Variants in FAM210B observed in about 807,000 individuals in gnomAD.
FAM210B encodes the protein mitochondrial inner membrane scaffold 2.
In FAM210B, 11 loss-of-function variants were observed where a neutral mutation model predicts 14.9. The observed-to-expected ratio is 0.74, with a 90% CI of 0.46 to 1.22. FAM210B has a LOEUF of 1.22. Among genes scored for constraint, FAM210B ranks in the 50% most tolerant of loss-of-function variants. The pLI is 0.00. For missense variants in FAM210B, 229 were observed against 250.1 expected (o/e 0.92, Z 0.57); for synonymous variants, 113 against 110.2 (o/e 1.03, Z -0.16).
At position 56,359,011 on chromosome 20, in the gene FAM210B, C is replaced by CGGGTTGCTG; in HGVS notation, c.8_16dup (p.Gly3_Leu5dup). ...GCTGCGCCTAGCTGCGCACCATGGC[C>CGGGTTGCTG]GGGTTGCTGGCGTTGCTGGGTCCGG... On this transcript the variant is annotated inframe_insertion, in exon 1 of 3. Transcript: ENST00000371384. The surrounding 1 kb of genome is among the most constrained non-coding windows in gnomAD (Gnocchi z 4.3). 1 of 1,318,358 alleles carries CGGGTTGCTG rather than the reference C, an allele frequency of 7.6e-7. No individual in the cohort carries two copies. Among genetic ancestry groups the CGGGTTGCTG allele is most frequent in the Non-Finnish European group, 9.7e-7 (1 of 1,028,626 alleles). 81.7% of individuals were successfully genotyped at this position (1,318,358 alleles called of 1,614,324 possible).
At chr20:56,365,283 T>A (rs555299952) in intron 2 of FAM210B, 21 bp downstream of exon 2, 1 of 1,601,476 alleles carries the variant, frequency 6.2e-7, no homozygotes, top group South Asian at 1.1e-5. Flanking sequence ...TGACAGTAAT[T>A]AATATTTGTT....
chr20:56,365,484 C>T (rs548117792), intron 2 of FAM210B, among the ~76,000 whole-genome samples: 1 of 151,336 alleles, frequency 6.6e-6, no homozygotes, highest in South Asian at 2.1e-4. Flanking sequence ...TACAGGCATG[C>T]ACCACTGCAC....
rs889707700 is a variant in FAM210B at position 56,365,165 on chromosome 20, C to T, written c.265C>T (p.Leu89=). The T allele has an allele frequency of 6.2e-7, 1 of 1,614,056 alleles. No individual in the cohort carries two copies. Among genetic ancestry groups the T allele is most frequent in the African/African-American group, 1.3e-5 (1 of 74,930 alleles). ...EEKKQSKSQQ[L]KKIFQEYGTV... Reference sequence around the variant, plus strand: ...GAAAAAGCAAAGCAAGTCACAGCAACTGAAAAAGATTTTTCAAGAGTATGG... The same window carrying T: ...GAAAAAGCAAAGCAAGTCACAGCAATTGAAAAAGATTTTTCAAGAGTATGG... The change falls in exon 2 of 3, where the codon CTG becomes TTG. Residue 89 remains leucine, a synonymous_variant. Transcript: ENST00000371384.
At chr20:56,361,013 G>C (rs111734239) in intron 1 of FAM210B, among the ~76,000 whole-genome samples, 1 of 152,214 alleles carries the variant, frequency 6.6e-6, no homozygotes, top group African/African-American at 2.4e-5. Context: ...ACGCTGCCTT[G>C]GCAGGGGGTC....
chr20:56,363,858 C>T lies in FAM210B; in HGVS notation c.187-1229C>T, dbSNP rs776903536. Among the ~76,000 whole-genome samples the T allele has an allele frequency of 2.0e-5, 3 of 152,122 alleles. No individual in the cohort carries two copies. The highest frequency in any genetic ancestry group is 4.4e-5 in the Non-Finnish European group (3 of 68,038). ...TTTGCTGCATTAATTTTGTGCGCAC[C>T]GTCCTTTTTTGATGGCATATAACAT... On this transcript the variant is annotated intron_variant, in intron 1 of 2. Transcript: ENST00000371384. The surrounding 1 kb of genome is among the most constrained non-coding windows in gnomAD (Gnocchi z 4.1).
In FAM210B at chr20:56,365,263, G is replaced by A; in HGVS notation, c.362+1G>A. On this transcript the variant is annotated splice_donor_variant, in intron 2 of 2. Coordinates refer to ENST00000371384, the MANE Select transcript of FAM210B (RefSeq NM_080821.3). LOFTEE classifies it high-confidence loss of function. ...GCATATTTTACATGGTTGTGTCAAG[G>A]TAAGATTTTTGACAGTAATTAATAT... The A allele has an allele frequency of 6.2e-7, 1 of 1,610,372 alleles. No homozygotes were observed. Among genetic ancestry groups the A allele is most frequent in the Non-Finnish European group, 8.5e-7 (1 of 1,178,032 alleles).
intron 2 of FAM210B, among the ~76,000 whole-genome samples, chr20:56,365,536 T>C (rs561631770): frequency 6.6e-6 from 1 of 152,070 alleles, no homozygotes; most frequent in East Asian, 1.9e-4. Context: ...GGACGGACTC[T>C]CGCTCTGTTG....
At chr20:56,361,597 C>T (rs931393488) in intron 1 of FAM210B, among the ~76,000 whole-genome samples, 8 of 152,170 alleles carry the variant, frequency 5.3e-5, no homozygotes, top group Non-Finnish European at 1.2e-4. Context: ...CCTCTCTGGG[C>T]TTCTCAGATC....
chr20:56,363,197 A>C lies in FAM210B; in HGVS notation c.187-1890A>C, dbSNP rs1354122580. 6.6e-6 allele frequency among the ~76,000 whole-genome samples: 1 copy of C among 152,186 alleles called. No homozygotes were observed. The highest frequency in any genetic ancestry group is 1.5e-5 in the Non-Finnish European group (1 of 68,038). On this transcript the variant is annotated intron_variant, in intron 1 of 2. Transcript: ENST00000371384. The surrounding 1 kb of genome is among the most constrained non-coding windows in gnomAD (Gnocchi z 4.1). ...TTAAGAATGGTCATTCTGGCAGGAC[A>C]GGAAAGGGGAGCCTGCTGAGTACCA...
chr20:56,358,982 G>A lies in FAM210B; in HGVS notation c.-24G>A. ...CGCCCGCCTCCCGGGTCAGCGGCGC[G>A]GGTGCTGCGCCTAGCTGCGCACCAT... is the stretch of plus-strand genomic sequence containing the variant. On this transcript the variant is annotated 5_prime_UTR_variant, in exon 1 of 3. Coordinates refer to ENST00000371384, the MANE Select transcript of FAM210B (RefSeq NM_080821.3). 1.7e-6 allele frequency: 2 copies of A among 1,201,662 alleles called. No individual in the cohort carries two copies. The highest frequency in any genetic ancestry group is 3.2e-5 in the South Asian group (1 of 30,990). The allele number at this position is 1,201,662 out of a possible 1,614,324, so 74.4% of individuals were successfully genotyped here.
rs1192675763 is a variant in FAM210B, at chr20:56,362,493, C to T, written c.187-2594C>T. Among the ~76,000 whole-genome samples the T allele has an allele frequency of 5.3e-5, 8 of 152,210 alleles. No homozygotes were observed. The highest frequency in any genetic ancestry group is 1.9e-4 in the African/African-American group (8 of 41,454). ...TGAATGTCTAAAAATTTTCCATTGC[C>T]TGCAAGTCACGCCCTCATAAATTCT... On this transcript the variant is annotated intron_variant, in intron 1 of 2. Coordinates refer to ENST00000371384, the MANE Select transcript of FAM210B (RefSeq NM_080821.3). The surrounding 1 kb of genome is among the most constrained non-coding windows in gnomAD (Gnocchi z 4.8).
intron 2 of FAM210B, among the ~76,000 whole-genome samples, 188 bp downstream of exon 2, chr20:56,365,450 C>T (rs1265036009): frequency 6.6e-6 from 1 of 151,984 alleles, no homozygotes; most frequent in Non-Finnish European, 1.5e-5. Flanking sequence ...ATCCTCCCAC[C>T]TCAGCCTCCC....
In FAM210B at chr20:56,360,962, A is replaced by C. The variant is rs571747420; in HGVS notation, c.186+1771A>C. Reference sequence around the variant, plus strand: ...GTGTGCTGCCCAGCTGGGCTCTCCAAATTTGCCAGGTGTTTAATTAAGAGC... The same window carrying C: ...GTGTGCTGCCCAGCTGGGCTCTCCACATTTGCCAGGTGTTTAATTAAGAGC... On this transcript the variant is annotated intron_variant, in intron 1 of 2. Transcript: ENST00000371384. Among the ~76,000 whole-genome samples the C allele has an allele frequency of 2.9e-3, 449 of 152,240 alleles. 2 individuals are homozygous for C. Among genetic ancestry groups the C allele is most frequent in the African/African-American group, 0.01 (429 of 41,540 alleles).
chr20:56,359,686 C>T lies in FAM210B; in HGVS notation c.186+495C>T, dbSNP rs1443192567. Among the ~76,000 whole-genome samples the T allele has an allele frequency of 6.6e-6, 1 of 152,250 alleles. No individual in the cohort carries two copies. The highest frequency in any genetic ancestry group is 1.9e-4 in the East Asian group (1 of 5,196). ...GTTATGTTTCATTTCCGTCACTTTCCATTGGTGCTAAGTGAAAACTGGTTT... is the reference window on the plus strand; with the variant it reads ...GTTATGTTTCATTTCCGTCACTTTCTATTGGTGCTAAGTGAAAACTGGTTT... On this transcript the variant is annotated intron_variant, in intron 1 of 2. Transcript: ENST00000371384. This position sits in a 1 kb window ranked among gnomAD's most constrained non-coding sequence, Gnocchi z 4.3.
chr20:56,364,709 C>T (rs1983594963), intron 1 of FAM210B, among the ~76,000 whole-genome samples: 1 of 152,078 alleles, frequency 6.6e-6, no homozygotes, highest in Non-Finnish European at 1.5e-5. Flanking sequence ...AATCCTAGCA[C>T]TTTGGGAGGC....
rs1600665117 is a variant in FAM210B at position 56,367,928 on chromosome 20, A to C, written c.*1641A>C. 6.6e-6 allele frequency: 1 copy of C among 152,212 alleles called. No individual in the cohort carries two copies. Among genetic ancestry groups the C allele is most frequent in the Admixed American group, 6.5e-5 (1 of 15,288 alleles). The allele number at this position is 152,212 out of a possible 1,614,324, so 9.4% of individuals were successfully genotyped here. A position where few individuals can be genotyped will look rare whatever the true frequency, so the allele number is the denominator to read the frequency against. On this transcript the variant is annotated 3_prime_UTR_variant, in exon 3 of 3. Transcript: ENST00000371384. ...AAGGCTAAATAAAATTACATTTGTG[A>C]CCATCAGAGAACTGAATAAACCATT...
At position 56,366,372 on chromosome 20, in the gene FAM210B, G is replaced by T. The variant is rs139966147; in HGVS notation, c.*85G>T. On this transcript the variant is annotated 3_prime_UTR_variant, in exon 3 of 3. Transcript: ENST00000371384. The stretch of plus-strand genomic sequence containing the variant: ...GGTTTTAGGGTTTTAGGGTTGTAGG[G>T]TTTCTTTTGGAGAGGTAGGGGGCTA... The T allele has an allele frequency of 1.5e-6, 2 of 1,374,146 alleles. No individual in the cohort carries two copies. The highest frequency in any genetic ancestry group is 1.5e-5 in the African/African-American group (1 of 68,900). 85.1% of individuals were successfully genotyped at this position (1,374,146 alleles called of 1,614,324 possible). A position where few individuals can be genotyped will look rare whatever the true frequency, so the allele number is the denominator to read the frequency against.
At chr20:56,365,933 T>C (rs1399084267) in intron 2 of FAM210B, 138 bp from the exon 3 acceptor site, 1 of 605,232 alleles carries the variant, frequency 1.7e-6, no homozygotes, top group African/African-American at 2.5e-5. Flanking sequence ...CGTGAGCCAC[T>C]GCACCTGGCC....
In FAM210B at chr20:56,366,104, C is replaced by G; in HGVS notation, c.396C>G (p.Leu132=). ...GVDMPAILLK[L]GFKESLVQSK... is the part of the protein sequence containing the mutation. ...ACATGCCTGCAATCCTGCTGAAACT[C>G]GGATTTAAAGAGTCCCTGGTACAGT... The change falls in exon 3 of 3, where the codon CTC becomes CTG. Residue 132 remains leucine, a synonymous_variant. Coordinates refer to ENST00000371384, the MANE Select transcript of FAM210B (RefSeq NM_080821.3). 1 of 1,614,118 alleles carries G rather than the reference C, an allele frequency of 6.2e-7. No homozygotes were observed.
Sources: gnomAD v4.1 joint callset for allele counts (sites outside exome capture counted in the v4.1 genomes callset) on GRCh38, gnomAD v4.1.1 for gene constraint, Gnocchi (gnomAD v3.1) non-coding constraint, MANE v1.5 for transcripts, NCBI Gene and HGNC (gene_info 2026-07-23, HGNC 2026-07-21) for gene names.